Variants in SBF2 observed in about 807,000 individuals in gnomAD.
SBF2 encodes SET binding factor 2.
SBF2 carries 112 observed loss-of-function variants against 225.2 expected under a neutral mutation model. The observed-to-expected ratio is 0.50, with a 90% confidence interval of 0.43 to 0.58. The LOEUF (loss-of-function observed/expected upper bound fraction) is 0.58. SBF2 is among the 20% of genes least tolerant of loss of function. The pLI, the probability that SBF2 is intolerant of heterozygous loss-of-function variation, is 0.00. For missense variants in SBF2, 1,996 were observed against 2,206.2 expected, an observed-to-expected ratio of 0.90 and a Z score of 1.91; for synonymous variants, 763 against 773.3, an observed-to-expected ratio of 0.99 and a Z score of 0.22.
At chr11:10,021,389 C>T (rs1270516501) in intron 6 of SBF2, among the ~76,000 whole-genome samples, 3 of 151,956 alleles carry the variant, frequency 2.0e-5, no homozygotes, top group Non-Finnish European at 2.9e-5. Flanking sequence ...ATTGTTAGTA[C>T]ACTTAAAACA....
chr11:10,237,172 C>A (rs1022446071), intron 1 of SBF2, among the ~76,000 whole-genome samples: 1 of 152,076 alleles, frequency 6.6e-6, no homozygotes, highest in Non-Finnish European at 1.5e-5. Flanking sequence ...CATGACAAAA[C>A]CCCATCTCTA....
At chr11:9,964,223 G>A (rs1014295572) in intron 14 of SBF2, among the ~76,000 whole-genome samples, 2 of 152,190 alleles carry the variant, frequency 1.3e-5, no homozygotes, top group African/African-American at 4.8e-5. Context: ...AACTGCAGCT[G>A]GGTGACAGAG....
At chr11:10,103,068 G>A (rs995912091) in intron 2 of SBF2, among the ~76,000 whole-genome samples, 2 of 152,142 alleles carry the variant, frequency 1.3e-5, no homozygotes, top group African/African-American at 2.4e-5. Context: ...TGGCCTCAGG[G>A]TGTCTTCATT....
intron 17 of SBF2, among the ~76,000 whole-genome samples, chr11:9,864,030 C>A (rs1371637952): frequency 6.6e-6 from 1 of 152,260 alleles, no homozygotes; most frequent in African/African-American, 2.4e-5. Flanking sequence ...GAACAAAACA[C>A]AACTGGCTTA....
intron 16 of SBF2, among the ~76,000 whole-genome samples, chr11:9,914,536 T>C (rs183727674): frequency 3.9e-5 from 6 of 152,238 alleles, no homozygotes; most frequent in East Asian, 1.9e-4. Flanking sequence ...ACAAAAAATA[T>C]GTCAAAACGG....
At chr11:9,894,187 G>A (rs1861057229) in intron 17 of SBF2, among the ~76,000 whole-genome samples, 1 of 152,128 alleles carries the variant, frequency 6.6e-6, no homozygotes, top group Non-Finnish European at 1.5e-5. Context: ...TTTTAGACCA[G>A]CCTGGGCAAC....
chr11:10,252,668 G>A (rs530425712), intron 1 of SBF2, among the ~76,000 whole-genome samples: 3 of 152,160 alleles, frequency 2.0e-5, no homozygotes, highest in African/African-American at 7.2e-5. Flanking sequence ...AAATTAGCCG[G>A]GCATGGTGGC....
intron 2 of SBF2, among the ~76,000 whole-genome samples, chr11:10,145,093 C>T (rs1954826204): frequency 6.6e-6 from 1 of 152,170 alleles, no homozygotes; most frequent in Non-Finnish European, 1.5e-5. Context: ...GAGGCGATGG[C>T]TTGTCTTTGC....
chr11:10,121,049 A>G (rs1226843915), intron 2 of SBF2, among the ~76,000 whole-genome samples: 4 of 152,188 alleles, frequency 2.6e-5, no homozygotes, highest in Non-Finnish European at 5.9e-5. Context: ...TACAGGCTTG[A>G]GCCATCACGC....
intron 2 of SBF2, among the ~76,000 whole-genome samples, chr11:10,083,803 T>G (rs996192896): frequency 6.6e-6 from 1 of 152,148 alleles, no homozygotes; most frequent in Non-Finnish European, 1.5e-5. Context: ...AAAACTCTTC[T>G]GGACATTGAC....
intron 2 of SBF2, among the ~76,000 whole-genome samples, chr11:10,084,749 G>C (rs1050015295): frequency 2.6e-5 from 4 of 152,156 alleles, no homozygotes; most frequent in African/African-American, 9.7e-5. Flanking sequence ...ATACTATTCA[G>C]CATAAAAAAG....
At chr11:9,878,481 TGAA>T (rs1859474861) in intron 17 of SBF2, among the ~76,000 whole-genome samples, 1 of 152,230 alleles carries the variant, frequency 6.6e-6, no homozygotes, top group African/African-American at 2.4e-5. Flanking sequence ...GCCAATGGCC[TGAA>T]TGGTATTGCC....
intron 29 of SBF2, among the ~76,000 whole-genome samples, chr11:9,814,160 A>G (rs2133907050): frequency 1.3e-5 from 2 of 152,322 alleles, no homozygotes; most frequent in South Asian, 4.1e-4. Flanking sequence ...TTTCATTTTA[A>G]TAACCTGGTT....
intron 6 of SBF2, 133 bp downstream of exon 6, chr11:10,028,319 A>G (rs1488565143): frequency 1.5e-6 from 1 of 656,976 alleles, no homozygotes; most frequent in Non-Finnish European, 2.7e-6. Context: ...AAAATTATAT[A>G]TCTCCTATAT....
intron 1 of SBF2, among the ~76,000 whole-genome samples, chr11:10,195,944 G>A (rs1299706919): frequency 3.3e-5 from 5 of 152,048 alleles, no homozygotes; most frequent in Non-Finnish European, 7.4e-5. Flanking sequence ...TCCCAAGCAG[G>A]GTTAATGAAA....
At chr11:10,116,431 T>A (rs1953140477) in intron 2 of SBF2, among the ~76,000 whole-genome samples, 1 of 152,310 alleles carries the variant, frequency 6.6e-6, no homozygotes, top group Admixed American at 6.5e-5. Flanking sequence ...TGAATTACAA[T>A]GCCAGGAGAG....
At chr11:9,882,670 G>A (rs760783096) in intron 17 of SBF2, among the ~76,000 whole-genome samples, 4 of 151,870 alleles carry the variant, frequency 2.6e-5, no homozygotes, top group African/African-American at 4.8e-5. Flanking sequence ...AGCTGGGCGC[G>A]GTGGCAGGCG....
At position 10,002,643 on chromosome 11, in the gene SBF2, A is replaced by T. The variant is rs1399584967; in HGVS notation, c.666T>A (p.Asn222Lys). The change falls in exon 7 of 40, where the codon AAT becomes AAA. Residue 222 changes from asparagine (N) to lysine (K), a missense_variant. Asn to Lys is a moderately conservative substitution (Grantham distance 94). Transcript: ENST00000256190. The stretch of plus-strand genomic sequence containing the variant: ...AACTTGCAGAATGGAAGAGAACCTT[A>T]TTTTCTGTGAGGACTGCACAAAAGA... ...LSLFCAVLTE[N>K]KVLFHSASFQ... The T allele has an allele frequency of 6.2e-7, 1 of 1,613,118 alleles. No individual in the cohort carries two copies.
At chr11:10,078,566 G>A (rs1459738179) in intron 2 of SBF2, among the ~76,000 whole-genome samples, 2 of 152,050 alleles carry the variant, frequency 1.3e-5, no homozygotes, top group Non-Finnish European at 2.9e-5. Context: ...ATTCATAAGT[G>A]GGAGTTGAAC....
Sources: gnomAD v4.1 joint callset for allele counts (sites outside exome capture counted in the v4.1 genomes callset) on GRCh38, gnomAD v4.1.1 for gene constraint, MANE v1.5 for transcripts, NCBI Gene and HGNC (gene_info 2026-07-23, HGNC 2026-07-21) for gene names.